The following INO80D variants were observed in gnomAD, a reference collection of about 807,000 sequenced individuals.
The protein encoded by INO80D is INO80 complex subunit D.
In INO80D, 21 loss-of-function variants were observed where a neutral mutation model predicts 87.6. That is an observed-to-expected ratio of 0.24 (90% CI 0.17 to 0.35). The LOEUF is 0.35. Among genes scored for constraint, INO80D ranks in the 10% least tolerant of loss-of-function variants. The pLI is 1.00. For synonymous variants in INO80D, 440 were observed against 491.0 expected (o/e 0.90, Z 1.37); for missense variants, 982 against 1,280.7 (o/e 0.77, Z 3.56).
chr2:206,070,495 C>T (rs1220126886), intron 1 of INO80D, among the ~76,000 whole-genome samples: 2 of 151,864 alleles, frequency 1.3e-5, no homozygotes, highest in Non-Finnish European at 2.9e-5. Context: ...CCGAGGTGGG[C>T]GGATCATGAG....
intron 3 of INO80D, among the ~76,000 whole-genome samples, chr2:206,059,145 C>G (rs537083262): frequency 1.3e-5 from 2 of 151,812 alleles, no homozygotes; most frequent in Admixed American, 6.6e-5. Flanking sequence ...CTTTGGGAGG[C>G]CAAGGTGGGT....
chr2:206,024,848 T>C (rs1318488691), intron 6 of INO80D, among the ~76,000 whole-genome samples: 1 of 152,052 alleles, frequency 6.6e-6, no homozygotes, highest in East Asian at 1.9e-4. Context: ...CTCTGCCTCC[T>C]GGGTTCAAGC....
At chr2:206,050,140 GA>G (rs200174098) in intron 4 of INO80D, among the ~76,000 whole-genome samples, 16 of 147,352 alleles carry the variant, frequency 1.1e-4, no homozygotes, top group African/African-American at 1.5e-4. Flanking sequence ...CTCAAAAAAA[GA>G]AAAAAAAAAT....
At chr2:206,017,469 T>TA (rs919044967) in intron 8 of INO80D, among the ~76,000 whole-genome samples, 3 of 152,254 alleles carry the variant, frequency 2.0e-5, no homozygotes, top group Admixed American at 6.5e-5. Flanking sequence ...AGCAAAAACT[T>TA]AGAGACATAG....
chr2:206,081,260 T>A (rs1156370959), intron 1 of INO80D, among the ~76,000 whole-genome samples: 1 of 152,162 alleles, frequency 6.6e-6, no homozygotes, highest in East Asian at 1.9e-4. Flanking sequence ...ACGTTTTTCC[T>A]CTTTGTTTCT....
intron 5 of INO80D, 81 bp from the exon 6 acceptor site, chr2:206,028,416 G>A (rs774567997): frequency 2.4e-4 from 263 of 1,096,940 alleles, no homozygotes; most frequent in Non-Finnish European, 3.1e-4. Context: ...ATTAGGAAAT[G>A]TAGCTGAATG....
intron 8 of INO80D, among the ~76,000 whole-genome samples, chr2:206,012,161 T>C (rs1185314763): frequency 6.6e-6 from 1 of 152,224 alleles, no homozygotes; most frequent in Non-Finnish European, 1.5e-5. Context: ...CTCTAAAGGC[T>C]ACTTACTACA....
At position 206,009,744 on chromosome 2, in the gene INO80D, C is replaced by T. The variant is rs1158870829; in HGVS notation, c.1593G>A (p.Gln531=). The change falls in exon 9 of 11, where the codon CAG becomes CAA. Residue 531 remains glutamine, a synonymous_variant. Coordinates refer to ENST00000403263, the MANE Select transcript of INO80D (RefSeq NM_017759.5). The part of the protein sequence containing the change: ...DNSRKVQHQQ[Q]RKPRKKTKPP... Reference sequence around the variant, plus strand: ...GCTTGGTTTTTTTCCTGGGTTTCCTCTGCTGCTGGTGCTGAACTTTACGGG... The same window carrying T: ...GCTTGGTTTTTTTCCTGGGTTTCCTTTGCTGCTGGTGCTGAACTTTACGGG... The T allele has an allele frequency of 1.9e-6, 3 of 1,613,834 alleles. No individual in the cohort carries two copies. The highest frequency in any genetic ancestry group is 2.5e-6 in the Non-Finnish European group (3 of 1,179,830).
intron 5 of INO80D, chr2:206,040,638 C>T (rs576271898): frequency 1.1e-4 from 26 of 231,468 alleles, no homozygotes; most frequent in Admixed American, 5.7e-4. Context: ...GGTCAAAGAT[C>T]GAGTCTTTTG....
chr2:206,029,525 C>A (rs1376374832), intron 5 of INO80D, among the ~76,000 whole-genome samples: 2 of 152,180 alleles, frequency 1.3e-5, no homozygotes, highest in African/African-American at 2.4e-5. Context: ...ACACATGACA[C>A]CATGGACTAT....
chr2:206,006,907 C>T (rs145137470), intron 10 of INO80D, among the ~76,000 whole-genome samples: 12 of 151,720 alleles, frequency 7.9e-5, no homozygotes, highest in South Asian at 4.2e-4. Flanking sequence ...ATTAGCCAGG[C>T]GTGGTGGCAC....
At chr2:206,058,671 T>C (rs532976677) in intron 3 of INO80D, among the ~76,000 whole-genome samples, 1 of 151,844 alleles carries the variant, frequency 6.6e-6, no homozygotes, top group East Asian at 1.9e-4. Flanking sequence ...GGGGCAGAGG[T>C]TGCAGTGAGC....
At chr2:206,014,374 C>T (rs1398067390) in intron 8 of INO80D, among the ~76,000 whole-genome samples, 8 of 152,166 alleles carry the variant, frequency 5.3e-5, no homozygotes, top group African/African-American at 1.9e-4. Flanking sequence ...CAAATTTCAT[C>T]TTGTAGCTCC....
chr2:206,022,761 T>G (rs1269895117), intron 6 of INO80D, among the ~76,000 whole-genome samples: 1 of 152,198 alleles, frequency 6.6e-6, no homozygotes, highest in Non-Finnish European at 1.5e-5. Flanking sequence ...TCACCCAGGC[T>G]GGAGTGCAAT....
At chr2:206,019,698 A>G in intron 7 of INO80D, 38 bp downstream of exon 7, 1 of 1,493,308 alleles carries the variant, frequency 6.7e-7, no homozygotes, top group Non-Finnish European at 9.3e-7. Flanking sequence ...ATTAGGTAGT[A>G]CTTTTTCAAT....
rs915494544 is a variant in INO80D, at chr2:206,085,248, G to GCCCGC, written c.-124+648_-124+652dup. 4.3e-4 allele frequency among the ~76,000 whole-genome samples: 65 copies of GCCCGC among 151,912 alleles called. No homozygotes were observed. The highest frequency in any genetic ancestry group is 5.9e-4 in the Non-Finnish European group (40 of 67,814). ...CACCCGACCCCACGCCCGCCAGGCC[G>GCCCGC]CCCGCCCCGCCCCGCCCCGGCCTGG... On this transcript the variant is annotated intron_variant, in intron 1 of 10. Coordinates refer to ENST00000403263, the MANE Select transcript of INO80D (RefSeq NM_017759.5). The surrounding 1 kb of genome is among the most constrained non-coding windows in gnomAD (Gnocchi z 4.5).
intron 5 of INO80D, among the ~76,000 whole-genome samples, chr2:206,043,318 TGC>T (rs1413203902): frequency 6.6e-6 from 1 of 150,706 alleles, no homozygotes; most frequent in African/African-American, 2.5e-5. Flanking sequence ...ATTACAGGTG[TGC>T]ACCACCACAC....
chr2:206,005,846 T>C (rs1000060084), intron 10 of INO80D, among the ~76,000 whole-genome samples: 3 of 152,208 alleles, frequency 2.0e-5, no homozygotes, highest in East Asian at 1.9e-4. Context: ...ATGGTGACTA[T>C]GTGATTATAC....
Position 206,011,208 on chromosome 2 carries a change from C to G in INO80D, c.1543-1414G>C, listed in dbSNP as rs115909323. On this transcript the variant is annotated intron_variant, in intron 8 of 10. Transcript: ENST00000403263. ...GAATGCGCAAGGGCCAGTACCCGAA[C>G]ATTGTGCTCAGCATCCATTCCAGGC... Among the ~76,000 whole-genome samples, 1,034 of 152,228 alleles carry G rather than the reference C, an allele frequency of 6.8e-3. 17 individuals are homozygous for G. Among genetic ancestry groups the G allele is most frequent in the African/African-American group, 0.024 (977 of 41,514 alleles).
Sources: allele counts gnomAD v4.1 joint callset (sites outside exome capture counted in the v4.1 genomes callset), GRCh38; gene constraint gnomAD v4.1.1; non-coding constraint Gnocchi (gnomAD v3.1); transcripts MANE v1.5; gene names NCBI Gene and HGNC (gene_info 2026-07-23, HGNC 2026-07-21).